The following WWOX variants were observed in gnomAD, a reference collection of about 807,000 sequenced individuals.
WWOX encodes the protein WW domain-containing oxidoreductase.
In WWOX, 69 loss-of-function variants were observed where a neutral mutation model predicts 46.2. The observed-to-expected ratio is 1.49, with a 90% CI of 1.23 to 1.82. The LOEUF is 1.82. Among genes scored for constraint, WWOX ranks in the 40% most tolerant of loss-of-function variants. The probability of loss-of-function intolerance (pLI) is 0.00; values close to 1 mark genes in which losing one functional copy is unlikely to be tolerated. For missense variants in WWOX, 919 were observed against 542.6 expected (o/e 1.69, Z -6.89); for synonymous variants, 359 against 202.6 (o/e 1.77, Z -6.56).
intron 5 of WWOX, among the ~76,000 whole-genome samples, chr16:78,368,078 T>G (rs1322923580): frequency 1.3e-5 from 2 of 152,172 alleles, no homozygotes; most frequent in African/African-American, 2.4e-5. Context: ...CTCATTATGA[T>G]TTTTGAGCAG....
intron 5 of WWOX, among the ~76,000 whole-genome samples, chr16:78,281,624 G>A (rs1484515074): frequency 6.6e-6 from 1 of 152,214 alleles, no homozygotes; most frequent in East Asian, 1.9e-4. Flanking sequence ...AGGCATAAAC[G>A]ACATGTAAAG....
intron 8 of WWOX, among the ~76,000 whole-genome samples, chr16:78,529,917 A>T (rs995366217): frequency 6.6e-6 from 1 of 152,204 alleles, no homozygotes; most frequent in African/African-American, 2.4e-5. Flanking sequence ...AAATCTCCTG[A>T]AGAGTCTTGT....
intron 8 of WWOX, among the ~76,000 whole-genome samples, chr16:78,479,276 A>C (rs957477611): frequency 8.5e-5 from 13 of 152,210 alleles, no homozygotes; most frequent in African/African-American, 2.7e-4. Context: ...TATGGATATG[A>C]ATTTGTATCA....
At chr16:78,217,659 G>A (rs959354959) in intron 5 of WWOX, among the ~76,000 whole-genome samples, 5 of 152,120 alleles carry the variant, frequency 3.3e-5, no homozygotes, top group Non-Finnish European at 1.5e-5. Context: ...GGTGCCAGGT[G>A]TCTCGGAAAG....
At chr16:78,445,591 G>A (rs1019268115) in intron 8 of WWOX, among the ~76,000 whole-genome samples, 1 of 152,112 alleles carries the variant, frequency 6.6e-6, no homozygotes, top group African/African-American at 2.4e-5. Flanking sequence ...GAAATAATAT[G>A]ATCACCTTCG....
intron 8 of WWOX, among the ~76,000 whole-genome samples, chr16:78,836,123 A>G (rs1335350269): frequency 3.3e-5 from 5 of 152,194 alleles, no homozygotes; most frequent in Non-Finnish European, 7.3e-5. Context: ...AGAGATCTAT[A>G]TATACCGCCT....
At chr16:78,175,917 C>T (rs2065188425) in intron 5 of WWOX, among the ~76,000 whole-genome samples, 1 of 152,138 alleles carries the variant, frequency 6.6e-6, no homozygotes, top group Admixed American at 6.5e-5. Context: ...CAGGAAGCTC[C>T]ACTGTGTGCA....
At chr16:78,541,048 A>C (rs1427294545) in intron 8 of WWOX, among the ~76,000 whole-genome samples, 2 of 152,144 alleles carry the variant, frequency 1.3e-5, no homozygotes, top group Non-Finnish European at 2.9e-5. Flanking sequence ...AGATACAATT[A>C]ATTTAGATTT....
At chr16:78,535,949 C>T (rs957806867) in intron 8 of WWOX, among the ~76,000 whole-genome samples, 1 of 152,112 alleles carries the variant, frequency 6.6e-6, no homozygotes, top group Non-Finnish European at 1.5e-5. Context: ...GCACAAAATT[C>T]GTTGCATAGC....
chr16:79,091,727 T>A (rs2048963564), intron 8 of WWOX, among the ~76,000 whole-genome samples: 1 of 151,734 alleles, frequency 6.6e-6, no homozygotes, highest in Non-Finnish European at 1.5e-5. Context: ...GTTGGTTTTC[T>A]CAAGAGGGTT....
chr16:78,253,891 TC>T (rs1311344892), intron 5 of WWOX, among the ~76,000 whole-genome samples: 81 of 152,094 alleles, frequency 5.3e-4, no homozygotes, highest in African/African-American at 1.8e-3. Context: ...ACTTCCCACC[TC>T]CAGCCTCGCA....
chr16:78,712,457 A>G (rs546139815), intron 8 of WWOX, among the ~76,000 whole-genome samples: 3 of 151,966 alleles, frequency 2.0e-5, no homozygotes, highest in South Asian at 2.1e-4. Flanking sequence ...AGCCGAGATT[A>G]TACCACTGCA....
intron 8 of WWOX, among the ~76,000 whole-genome samples, chr16:78,507,290 C>T (rs952105431): frequency 2.0e-5 from 3 of 152,170 alleles, no homozygotes; most frequent in Non-Finnish European, 4.4e-5. Flanking sequence ...ATAGATTGGA[C>T]TTCACATTCA....
At chr16:78,480,621 A>G (rs1319196436) in intron 8 of WWOX, among the ~76,000 whole-genome samples, 1 of 152,220 alleles carries the variant, frequency 6.6e-6, no homozygotes, top group Non-Finnish European at 1.5e-5. Context: ...ATTGGCTCTC[A>G]ATTTAAAAAT....
At chr16:78,393,966 G>A (rs777811222) in intron 6 of WWOX, among the ~76,000 whole-genome samples, 121 of 152,122 alleles carry the variant, frequency 8.0e-4, no homozygotes, top group Middle Eastern at 3.4e-3. Context: ...ATTACTTTCA[G>A]AACTTGAATC....
At chr16:79,080,747 G>A (rs375418478) in intron 8 of WWOX, among the ~76,000 whole-genome samples, 155 of 152,250 alleles carry the variant, frequency 1.0e-3, no homozygotes, top group South Asian at 8.7e-3. Context: ...TGGGAGGATC[G>A]CTTGAAGCCA....
At chr16:78,932,182 C>T (rs916884154) in intron 8 of WWOX, among the ~76,000 whole-genome samples, 1 of 152,190 alleles carries the variant, frequency 6.6e-6, no homozygotes, top group Admixed American at 6.5e-5. Context: ...GCTTGACTCC[C>T]AGTCCTTCGA....
chr16:78,353,052 G>A (rs2081215782), intron 5 of WWOX, among the ~76,000 whole-genome samples: 1 of 152,148 alleles, frequency 6.6e-6, no homozygotes, highest in Non-Finnish European at 1.5e-5. Context: ...AATAATGGCA[G>A]TTTGTAACTC....
At chr16:78,400,236 G>T (rs775792312) in intron 6 of WWOX, among the ~76,000 whole-genome samples, 1 of 152,148 alleles carries the variant, frequency 6.6e-6, no homozygotes, top group South Asian at 2.1e-4. Flanking sequence ...AGGAGGAAAA[G>T]GTCTCTGTTT....
Sources: gnomAD v4.1 joint callset for allele counts (sites outside exome capture counted in the v4.1 genomes callset) on GRCh38, gnomAD v4.1.1 for gene constraint, MANE v1.5 for transcripts, NCBI Gene and HGNC (gene_info 2026-07-23, HGNC 2026-07-21) for gene names.